The following CAPRIN1 variants were observed in gnomAD, a reference collection of about 807,000 sequenced individuals.
CAPRIN1 encodes the protein cell cycle associated protein 1.
In CAPRIN1, 29 loss-of-function variants were observed where a neutral mutation model predicts 100.9. That is an observed-to-expected ratio of 0.29 (90% CI 0.21 to 0.39). The LOEUF (loss-of-function observed/expected upper bound fraction) is 0.39, where lower values mean the gene tolerates loss of function less well. Ranked by LOEUF, CAPRIN1 falls within the 10% of genes least tolerant of loss-of-function variation. The probability of loss-of-function intolerance (pLI) is 1.00; values close to 1 mark genes in which losing one functional copy is unlikely to be tolerated. For synonymous variants in CAPRIN1, 338 were observed against 307.5 expected (o/e 1.10, Z -1.04); for missense variants, 795 against 876.7 (o/e 0.91, Z 1.18).
intron 7 of CAPRIN1, among the ~76,000 whole-genome samples, chr11:34,081,396 A>G (rs4132985): frequency 2.0e-5 from 3 of 152,006 alleles, no homozygotes; most frequent in African/African-American, 7.2e-5. Flanking sequence ...ATGGGGTTTC[A>G]CCATGTTGGT....
intron 15 of CAPRIN1, among the ~76,000 whole-genome samples, chr11:34,093,532 T>C (rs1376120127): frequency 6.6e-6 from 1 of 152,234 alleles, no homozygotes; most frequent in Non-Finnish European, 1.5e-5. Context: ...TTTCTAATTA[T>C]TCAATTTCTT....
Position 34,071,563 on chromosome 11 carries a change from C to CA in CAPRIN1, c.217-151dup, listed in dbSNP as rs796340955. 5.9e-4 allele frequency among the ~76,000 whole-genome samples: 82 copies of CA among 140,090 alleles called. 1 individual carries two copies. Among genetic ancestry groups the CA allele is most frequent in the Middle Eastern group, 3.7e-3 (1 of 268 alleles). The allele number at this position is 140,090 out of a possible 152,430, so 91.9% of individuals were successfully genotyped here. A position where few individuals can be genotyped will look rare whatever the true frequency, so the allele number is the denominator to read the frequency against. On this transcript the variant is annotated intron_variant, in intron 2 of 18. Coordinates refer to ENST00000341394, the MANE Select transcript of CAPRIN1 (RefSeq NM_005898.5). Reference sequence around the variant, plus strand: ...CTGGGTGACGAGCGAAACTCTGTCTCAAAAAAAAAAAATTTATGTACTTAA... The same window carrying CA: ...CTGGGTGACGAGCGAAACTCTGTCTCAAAAAAAAAAAAATTTATGTACTTAA...
At chr11:34,097,630 C>T in intron 17 of CAPRIN1, 68 bp from the exon 18 acceptor site, 1 of 1,572,238 alleles carries the variant, frequency 6.4e-7, no homozygotes, top group Non-Finnish European at 8.7e-7. Flanking sequence ...GAGTGTTAGA[C>T]TGAAAGAATA....
At chr11:34,083,144 T>C in intron 9 of CAPRIN1, 103 bp downstream of exon 9, 1 of 764,898 alleles carries the variant, frequency 1.3e-6, no homozygotes, top group East Asian at 2.6e-5. Context: ...TATTAGTACA[T>C]TTATTATAAT....
chr11:34,078,878 A>G (rs1850957075), intron 6 of CAPRIN1, among the ~76,000 whole-genome samples: 1 of 152,176 alleles, frequency 6.6e-6, no homozygotes, highest in Non-Finnish European at 1.5e-5. Flanking sequence ...GATTGGGTCC[A>G]GTCCATTGTA....
At chr11:34,068,288 G>T (rs1165123913) in intron 2 of CAPRIN1, among the ~76,000 whole-genome samples, 1 of 152,202 alleles carries the variant, frequency 6.6e-6, no homozygotes, top group Admixed American at 6.5e-5. Context: ...ACAAGGCAGA[G>T]ATAGATTGCT....
intron 2 of CAPRIN1, among the ~76,000 whole-genome samples, chr11:34,057,348 C>A (rs1359706449): frequency 1.3e-5 from 2 of 152,094 alleles, no homozygotes; most frequent in African/African-American, 2.4e-5. Flanking sequence ...CTGTGAATTC[C>A]CCCAAGTGAT....
chr11:34,079,423 G>A (rs1850966865), intron 6 of CAPRIN1, among the ~76,000 whole-genome samples: 1 of 151,994 alleles, frequency 6.6e-6, no homozygotes, highest in East Asian at 1.9e-4. Context: ...CAAAAACCCC[G>A]TAAAGTTTAA....
At chr11:34,089,345 C>A in intron 11 of CAPRIN1, 50 bp from the exon 12 acceptor site, 2 of 908,946 alleles carry the variant, frequency 2.2e-6, no homozygotes, top group South Asian at 1.4e-5. Flanking sequence ...AGACGCGTCT[C>A]TCTAAAAATT....
chr11:34,059,154 CA>C (rs34185595), intron 2 of CAPRIN1, among the ~76,000 whole-genome samples: 1 of 152,032 alleles, frequency 6.6e-6, no homozygotes, highest in Admixed American at 6.6e-5. Flanking sequence ...GAGTAGAGTT[CA>C]AAATTCAAAC....
intron 2 of CAPRIN1, among the ~76,000 whole-genome samples, chr11:34,062,276 TAAGTG>T (rs1364942504): frequency 6.6e-6 from 1 of 152,176 alleles, no homozygotes; most frequent in African/African-American, 2.4e-5. Flanking sequence ...CGTAATTGTC[TAAGTG>T]AAGAACAGAG....
rs745572121 is a variant in CAPRIN1, at chr11:34,090,535, A to G, written c.1411A>G (p.Ile471Val). Residue 471 changes from isoleucine to valine, a missense_variant, in exon 14 of 19, where the codon ATC becomes GTC. Around this residue, in one of 3 missense-constraint regions of CAPRIN1, gnomAD observed 648 missense variants for 697.9 expected, o/e 0.93. Transcript: ENST00000341394. ...KEPIDQIQAT[I>V]SLNTDQTTAS... is the part of the protein sequence containing the mutation. Reference sequence around the variant, plus strand: ...CTATTCACTTTGTGTTTAGGCAACAATCTCTTTAAATACAGACCAGACTAC... The same window carrying G: ...CTATTCACTTTGTGTTTAGGCAACAGTCTCTTTAAATACAGACCAGACTAC... 7 of 1,611,892 alleles carry G rather than the reference A, an allele frequency of 4.3e-6. No homozygotes were observed. The Admixed American group carries it at 5.0e-5, about 12-fold the overall frequency.
rs1449181696 is a variant in CAPRIN1 at position 34,076,588 on chromosome 11, A to G, written c.634A>G (p.Ile212Val). 1.9e-6 allele frequency: 3 copies of G among 1,614,074 alleles called. No homozygotes were observed. The highest frequency in any genetic ancestry group is 1.7e-5 in the Admixed American group (1 of 60,022). ...GAATGAACAGTATGAACATGCCTCC[A>G]TTCACCTGTGGGACCTGCTGGAAGG... The part of the protein sequence containing the change: ...RLNEQYEHAS[I>V]HLWDLLEGKE... Residue 212 changes from isoleucine to valine, a missense_variant, in exon 6 of 19, where the codon ATT (isoleucine) becomes GTT (valine). Ile to Val is a conservative substitution (Grantham distance 29). Around this residue, in one of 3 missense-constraint regions of CAPRIN1, gnomAD observed 648 missense variants for 697.9 expected, o/e 0.93. Coordinates refer to ENST00000341394, the MANE Select transcript of CAPRIN1 (RefSeq NM_005898.5).
chr11:34,070,059 A>T (rs1394972856), intron 2 of CAPRIN1, among the ~76,000 whole-genome samples: 1 of 152,194 alleles, frequency 6.6e-6, no homozygotes, highest in Non-Finnish European at 1.5e-5. Flanking sequence ...ATGTATGTTC[A>T]TAATTTATTG....
intron 11 of CAPRIN1, among the ~76,000 whole-genome samples, chr11:34,088,110 C>T (rs1219435044): frequency 1.3e-5 from 2 of 152,166 alleles, no homozygotes; most frequent in East Asian, 3.9e-4. Flanking sequence ...TCAAGGGATT[C>T]TCCTGCCTCA....
chr11:34,089,894 C>T, intron 12 of CAPRIN1: 1 of 210,504 alleles, frequency 4.8e-6, no homozygotes, highest in Non-Finnish European at 9.4e-6. Context: ...ATAGTTTAGA[C>T]ATAATTCTAA....
chr11:34,065,046 A>G (rs939451328), intron 2 of CAPRIN1, among the ~76,000 whole-genome samples: 11 of 126,162 alleles, frequency 8.7e-5, no homozygotes, highest in Non-Finnish European at 1.4e-4. Context: ...TGCAAGCTCC[A>G]CCTCCCGGGT....
chr11:34,097,899 TTTCTAAAAC>T (rs1289381940), intron 18 of CAPRIN1, 138 bp downstream of exon 18: 4 of 1,430,288 alleles, frequency 2.8e-6, no homozygotes, highest in African/African-American at 1.4e-5. Flanking sequence ...AAATGCTCTG[TTTCTAAAAC>T]TTAATCTTGG....
At chr11:34,052,233 C>T (rs1222618271) in intron 1 of CAPRIN1, 188 bp from the exon 2 acceptor site, 2 of 203,080 alleles carry the variant, frequency 9.8e-6, no homozygotes, top group East Asian at 1.1e-4. Flanking sequence ...CCGGGCGCCC[C>T]GCTGGCGGGT....
Sources: gnomAD v4.1 joint callset for allele counts (sites outside exome capture counted in the v4.1 genomes callset) on GRCh38, gnomAD v4.1.1 for gene constraint, gnomAD v4.1.1 regional missense constraint, MANE v1.5 for transcripts, NCBI Gene and HGNC (gene_info 2026-07-23, HGNC 2026-07-21) for gene names.